RD3: variants seen among roughly 807,000 people sequenced by gnomAD.
RD3 encodes protein RD3.
Under a neutral mutation model 16.9 loss-of-function variants are expected in RD3, and 11 were observed. The ratio of observed to expected loss-of-function variants is 0.65; its 90% CI spans 0.41 to 1.08. The LOEUF is 1.08. RD3 is among the 50% of genes least tolerant of loss of function. The pLI, the probability that RD3 is intolerant of heterozygous loss-of-function variation, is 0.00. For synonymous variants in RD3, 116 were observed against 114.8 expected, an observed-to-expected ratio of 1.01 and a Z score of -0.07; for missense variants, 274 against 267.4, an observed-to-expected ratio of 1.02 and a Z score of -0.17.
Position 211,485,530 on chromosome 1 carries a change from G to T in RD3, c.-11-4104C>A, listed in dbSNP as rs191733855. On this transcript the variant is annotated intron_variant, in intron 1 of 2. Transcript: ENST00000680073. ...AGGGCAGGCTAGACAGACTCCAGAG[G>T]GGGCTGCCTTATCCCAGGGTATCCC... Among the ~76,000 whole-genome samples the T allele has an allele frequency of 1.0e-3, 155 of 152,312 alleles. 2 individuals are homozygous for T. The highest frequency in any genetic ancestry group is 6.8e-3 in the Middle Eastern group (2 of 294).
In RD3 at chr1:211,481,189, A is replaced by G. The variant is rs752858252; in HGVS notation, c.227T>C (p.Ile76Thr). ...TPRSTYDLSP[I>T]ERLQLEDVCV... is the part of the protein sequence containing the mutation. Reference sequence around the variant, plus strand: ...GACATCTTCCAGCTGCAACCGCTCAATGGGGCTGAGGTCATAGGTGGACCG... The same window carrying G: ...GACATCTTCCAGCTGCAACCGCTCAGTGGGGCTGAGGTCATAGGTGGACCG... Residue 76 changes from isoleucine (I) to threonine (T), a missense_variant, in exon 2 of 3, where the codon ATT (isoleucine) becomes ACT (threonine). Ile to Thr is a moderately conservative substitution (Grantham distance 89). Transcript: ENST00000680073. 1.9e-6 allele frequency: 3 copies of G among 1,614,238 alleles called. No homozygotes were observed. The highest frequency in any genetic ancestry group is 2.2e-5 in the East Asian group (1 of 44,886).
intron 1 of RD3, among the ~76,000 whole-genome samples, chr1:211,490,291 G>A (rs994699188): frequency 6.6e-6 from 1 of 152,230 alleles, no homozygotes; most frequent in Non-Finnish European, 1.5e-5. Context: ...GCCCTGCGCC[G>A]GCCCCAGCCA....
intron 2 of RD3, 130 bp downstream of exon 2, chr1:211,480,990 T>G: frequency 2.1e-6 from 2 of 964,098 alleles, no homozygotes; most frequent in South Asian, 1.4e-5. Context: ...TTTCCCCTCT[T>G]GCTCCTTCTA....
intron 1 of RD3, among the ~76,000 whole-genome samples, chr1:211,484,606 T>G (rs544586099): frequency 6.6e-6 from 1 of 152,300 alleles, no homozygotes; most frequent in African/African-American, 2.4e-5. Context: ...AACAAACTAT[T>G]AAATAAAGTA....
At chr1:211,485,347 CT>C (rs541902740) in intron 1 of RD3, among the ~76,000 whole-genome samples, 53 of 152,322 alleles carry the variant, frequency 3.5e-4, no homozygotes, top group African/African-American at 1.2e-3. Context: ...CTGGCCAGGA[CT>C]GGAGGCTTTG....
In RD3 at chr1:211,481,287, C is replaced by G; in HGVS notation, c.129G>C (p.Gln43His). 6.2e-7 allele frequency: 1 copy of G among 1,614,278 alleles called. No individual in the cohort carries two copies. Among genetic ancestry groups the G allele is most frequent in the Non-Finnish European group, 8.5e-7 (1 of 1,180,058 alleles). Reference protein sequence around the residue: ...LTGQMREAERQQRERSNAVRK... With the variant: ...LTGQMREAERHQRERSNAVRK... ...TGACCGCATTGCTGCGCTCCCGCTG[C>G]TGCCTCTCAGCCTCTCGCATCTGCC... Residue 43 changes from glutamine to histidine, a missense_variant, in exon 2 of 3, where the codon CAG becomes CAC. Physicochemically the swap from Gln to His is conservative, Grantham distance 24 (BLOSUM62 0). Coordinates refer to ENST00000680073, the MANE Select transcript of RD3 (RefSeq NM_001164688.2).
chr1:211,484,724 G>A (rs1004780668), intron 1 of RD3, among the ~76,000 whole-genome samples: 2 of 152,186 alleles, frequency 1.3e-5, no homozygotes, highest in Non-Finnish European at 2.9e-5. Context: ...ATGGAGGTGG[G>A]TTGGGACTGC....
intron 1 of RD3, among the ~76,000 whole-genome samples, chr1:211,482,013 G>A (rs1284727294): frequency 6.6e-6 from 1 of 152,166 alleles, no homozygotes; most frequent in Non-Finnish European, 1.5e-5. Flanking sequence ...ACCTGAGGTT[G>A]GGAGATCAAG....
intron 1 of RD3, among the ~76,000 whole-genome samples, chr1:211,488,954 G>C (rs991118679): frequency 6.6e-6 from 1 of 152,138 alleles, no homozygotes; most frequent in Non-Finnish European, 1.5e-5. Context: ...ACCAGCTCAG[G>C]TGGAGCAGGC....
chr1:211,479,184 C>T lies in RD3; in HGVS notation c.440G>A (p.Arg147His), dbSNP rs1393013845. ...GGTCTTGAAGGTGGCCAGGCTGCCG[C>T]GGGGCCGCAGGCTCCACTGGCGCGT... is the stretch of plus-strand genomic sequence containing the variant. Reference protein sequence around the residue: ...KLTRQWSLRPRGSLATFKTRA... With the variant: ...KLTRQWSLRPHGSLATFKTRA... Residue 147 changes from arginine (R) to histidine (H), a missense_variant, in exon 3 of 3, where the codon CGC (arginine) becomes CAC (histidine). By Grantham distance (29) the Arg-to-His change is conservative. Coordinates refer to ENST00000680073, the MANE Select transcript of RD3 (RefSeq NM_001164688.2). The T allele has an allele frequency of 6.2e-7, 1 of 1,612,492 alleles. No homozygotes were observed. Among genetic ancestry groups the T allele is most frequent in the South Asian group, 1.1e-5 (1 of 90,780 alleles).
chr1:211,478,635 A>AG lies in RD3; in HGVS notation c.*400dup, dbSNP rs1005073205. On this transcript the variant is annotated 3_prime_UTR_variant, in exon 3 of 3. Transcript: ENST00000680073. ...GTCCCTTCTCATTGGGGATGGGGGTAGGGGGGTGAATGGGACATCCCTGAA... is the reference window on the plus strand; with the variant it reads ...GTCCCTTCTCATTGGGGATGGGGGTAGGGGGGGTGAATGGGACATCCCTGAA... The AG allele has an allele frequency of 1.3e-5, 3 of 225,338 alleles. No homozygotes were observed. Among genetic ancestry groups the AG allele is most frequent in the South Asian group, 2.9e-4 (2 of 6,818 alleles). The allele number at this position is 225,338 out of a possible 1,614,324, so 14.0% of individuals were successfully genotyped here. A position where few individuals can be genotyped will look rare whatever the true frequency, so the allele number is the denominator to read the frequency against.
chr1:211,479,778 C>T (rs1052108365), intron 2 of RD3, among the ~76,000 whole-genome samples: 1 of 152,154 alleles, frequency 6.6e-6, no homozygotes, highest in Non-Finnish European at 1.5e-5. Context: ...GATATTCCTT[C>T]CAGGTGAGCT....
chr1:211,482,770 A>T (rs1415881105), intron 1 of RD3, among the ~76,000 whole-genome samples: 1 of 151,952 alleles, frequency 6.6e-6, no homozygotes, highest in Non-Finnish European at 1.5e-5. Flanking sequence ...GGGAAATGAC[A>T]TTCCCGAGCT....
chr1:211,478,775 T>G lies in RD3; in HGVS notation c.*261A>C. On this transcript the variant is annotated 3_prime_UTR_variant, in exon 3 of 3. Coordinates refer to ENST00000680073, the MANE Select transcript of RD3 (RefSeq NM_001164688.2). ...TCTTCCAAAACCTTGAATCTGCCAG[T>G]TAGGGAAGGGGCTGCTCCTGCAGAC... The G allele has an allele frequency of 6.2e-6, 3 of 480,442 alleles. No individual in the cohort carries two copies. Among genetic ancestry groups the G allele is most frequent in the Non-Finnish European group, 7.4e-6 (2 of 271,554 alleles). The allele number at this position is 480,442 out of a possible 1,614,324, so 29.8% of individuals were successfully genotyped here. A position where few individuals can be genotyped will look rare whatever the true frequency, so the allele number is the denominator to read the frequency against.
At chr1:211,489,524 G>A (rs1210466338) in intron 1 of RD3, among the ~76,000 whole-genome samples, 2 of 149,936 alleles carry the variant, frequency 1.3e-5, no homozygotes, top group African/African-American at 4.9e-5. Context: ...TATTTCACAT[G>A]TTGATAGGGA....
chr1:211,488,746 G>A (rs12134448), intron 1 of RD3, among the ~76,000 whole-genome samples: 51,404 of 151,956 alleles, frequency 0.34, 9,929 homozygotes, highest in East Asian at 0.81. Context: ...TCTGGGAGCC[G>A]GGGTGGGGAC....
chr1:211,482,114 C>T (rs1572142453), intron 1 of RD3, among the ~76,000 whole-genome samples: 1 of 150,832 alleles, frequency 6.6e-6, no homozygotes, highest in Admixed American at 6.6e-5. Context: ...CCCAGCTACT[C>T]GGGAGGCTGA....
At position 211,481,218 on chromosome 1, in the gene RD3, T is replaced by A. The variant is rs779812115; in HGVS notation, c.198A>T (p.Thr66=). The change falls in exon 2 of 3, where the codon ACA becomes ACT. Residue 66 remains threonine, a synonymous_variant. Transcript: ENST00000680073. ...GGCTGAGGTCATAGGTGGACCGGGG[T>A]GTGCTGGCCAGCCAGCTGTAGTCCA... The part of the protein sequence containing the change: ...TGVDYSWLAS[T]PRSTYDLSPI... 12 of 1,614,250 alleles carry A rather than the reference T, an allele frequency of 7.4e-6. No individual in the cohort carries two copies. The highest frequency in any genetic ancestry group is 9.3e-6 in the Non-Finnish European group (11 of 1,180,050).
intron 1 of RD3, among the ~76,000 whole-genome samples, chr1:211,486,587 A>G (rs1295557154): frequency 6.6e-6 from 1 of 151,956 alleles, no homozygotes; most frequent in East Asian, 1.9e-4. Context: ...GGTGGCTCAC[A>G]TCTGTCATCT....
Sources: gnomAD v4.1 joint callset for allele counts (sites outside exome capture counted in the v4.1 genomes callset) on GRCh38, gnomAD v4.1.1 for gene constraint, MANE v1.5 for transcripts, NCBI Gene and HGNC (gene_info 2026-07-23, HGNC 2026-07-21) for gene names.